The following SET variants were observed in gnomAD, a reference collection of about 807,000 sequenced individuals.
SET encodes SET nuclear proto-oncogene, also known as protein SET.
A neutral mutation model predicts 39.0 loss-of-function variants in SET; 4 were observed. The observed-to-expected ratio is 0.10, with a 90% confidence interval of 0.05 to 0.23. The LOEUF (loss-of-function observed/expected upper bound fraction) is 0.23. Among genes scored for constraint, SET ranks in the 10% least tolerant of loss-of-function variants. SET has a pLI of 1.00. For synonymous variants in SET, 114 were observed against 115.9 expected, an observed-to-expected ratio of 0.98 and a Z score of 0.11; for missense variants, 137 against 329.7, an observed-to-expected ratio of 0.42 and a Z score of 4.53.
In SET at chr9:128,689,322, G is replaced by A; in HGVS notation, c.-261G>A. On this transcript the variant is annotated 5_prime_UTR_variant, in exon 1 of 8. Coordinates refer to ENST00000322030, the MANE Select transcript of SET (RefSeq NM_003011.4). ...GAGTGAGGGAGCCGAGCCGCCCGCC[G>A]CCGCCGCCTCCGCCTCCCCTCCGCG... is the stretch of plus-strand genomic sequence containing the variant. 3.9e-6 allele frequency: 4 copies of A among 1,031,596 alleles called. No homozygotes were observed. Among genetic ancestry groups the A allele is most frequent in the Non-Finnish European group, 4.7e-6 (4 of 859,244 alleles). The allele number at this position is 1,031,596 out of a possible 1,614,324, so 63.9% of individuals were successfully genotyped here.
chr9:128,693,555 G>C (rs1266545577), intron 5 of SET, 83 bp from the exon 6 acceptor site: 3 of 1,396,602 alleles, frequency 2.1e-6, no homozygotes, highest in Non-Finnish European at 2.9e-6. Flanking sequence ...CTTAGCTTTT[G>C]GGGAAAATCT....
chr9:128,692,021 T>C (rs1399373155), intron 3 of SET, 21 bp downstream of exon 3: 4 of 1,612,024 alleles, frequency 2.5e-6, no homozygotes, highest in East Asian at 2.2e-5. Context: ...GACAGGGCAT[T>C]GTTAAAGGAT....
chr9:128,684,941 TAG>T (rs1861235582), upstream of SET: 17 of 1,130,226 alleles, frequency 1.5e-5, no homozygotes, highest in Non-Finnish European at 1.9e-5. Flanking sequence ...TGGAGCTGGA[TAG>T]AGAGTTGACT....
Position 128,689,535 on chromosome 9 carries a change from T to G in SET, c.-48T>G, listed in dbSNP as rs1400160989. 2.7e-5 allele frequency: 27 copies of G among 989,310 alleles called. No homozygotes were observed. Among genetic ancestry groups the G allele is most frequent in the Non-Finnish European group, 1.4e-6 (1 of 730,358 alleles). 61.3% of individuals were successfully genotyped at this position (989,310 alleles called of 1,614,324 possible). On this transcript the variant is annotated 5_prime_UTR_variant, in exon 1 of 8. Transcript: ENST00000322030. ...AGCCGCTTGCCCGCCCCCTTCGCCT[T>G]CCCTTCTCTCCCCCTCCCCGCTCCC...
Position 128,696,283 on chromosome 9 carries a change from C to T in SET, c.*1619C>T, listed in dbSNP as rs772023623. 49 of 196,406 alleles carry T rather than the reference C, an allele frequency of 2.5e-4. No homozygotes were observed. The highest frequency in any genetic ancestry group is 1.7e-3 in the Middle Eastern group (1 of 582). 12.2% of individuals were successfully genotyped at this position (196,406 alleles called of 1,614,324 possible). A position where few individuals can be genotyped will look rare whatever the true frequency, so the allele number is the denominator to read the frequency against. ...CCATCAATAGGCAAAAGTGTAACAA[C>T]CTATCTAGATGGATAGTATGTAATT... On this transcript the variant is annotated 3_prime_UTR_variant, in exon 8 of 8. Transcript: ENST00000322030.
chr9:128,692,397 CAAAAAAAAAAAAAA>C (rs58637669), intron 3 of SET: 40 of 76,260 alleles, frequency 5.2e-4, no homozygotes, highest in African/African-American at 2.3e-3. Flanking sequence ...GAGACTGTTT[CAAAAAAAAAAAAAA>C]AAAAAAAAAA....
chr9:128,695,663 CAG>C lies in SET; in HGVS notation c.*1000_*1001del, dbSNP rs1383948130. On this transcript the variant is annotated 3_prime_UTR_variant, in exon 8 of 8. Coordinates refer to ENST00000322030, the MANE Select transcript of SET (RefSeq NM_003011.4). ...TGATACGCACTTTGCAGGATGACCT[CAG>C]GGCTATGTGGATTGAGTAATGGGAT... 2 of 225,750 alleles carry C rather than the reference CAG, an allele frequency of 8.9e-6. No individual in the cohort carries two copies. The highest frequency in any genetic ancestry group is 4.4e-5 in the African/African-American group (2 of 45,052). 14.0% of individuals were successfully genotyped at this position (225,750 alleles called of 1,614,324 possible).
chr9:128,692,626 T>A (rs761763653), intron 3 of SET, 36 bp from the exon 4 acceptor site: 2 of 1,383,044 alleles, frequency 1.4e-6, no homozygotes, highest in East Asian at 4.6e-5. Context: ...TGTGTGCCTG[T>A]TGAAAATTCA....
At chr9:128,690,227 C>G (rs1589456054) in intron 1 of SET, 1 of 153,244 alleles carries the variant, frequency 6.5e-6, no homozygotes, top group South Asian at 2.1e-4. Context: ...CTCTGGCCAG[C>G]CCGGGCGCAC....
At chr9:128,689,090 G>A (rs2132242016), upstream of SET, 2 of 175,478 alleles carry the variant, frequency 1.1e-5, no homozygotes, top group African/African-American at 4.8e-5. Flanking sequence ...CCTCTCGCCG[G>A]GCCCTGTGTC....
rs1175905980 is a variant in SET, at chr9:128,696,110, G to T, written c.*1446G>T. 4 of 221,192 alleles carry T rather than the reference G, an allele frequency of 1.8e-5. No homozygotes were observed. Among genetic ancestry groups the T allele is most frequent in the African/African-American group, 8.9e-5 (4 of 44,854 alleles). 13.7% of individuals were successfully genotyped at this position (221,192 alleles called of 1,614,324 possible). A position where few individuals can be genotyped will look rare whatever the true frequency, so the allele number is the denominator to read the frequency against. On this transcript the variant is annotated 3_prime_UTR_variant, in exon 8 of 8. Coordinates refer to ENST00000322030, the MANE Select transcript of SET (RefSeq NM_003011.4). ...AGCTCTGTCTGCTCAATGCCATTGT[G>T]CAGAGAAGCACCCTAATGCATAAGC... is the stretch of plus-strand genomic sequence containing the variant.
intron 2 of SET, 55 bp from the exon 3 acceptor site, chr9:128,691,803 A>C (rs569157337): frequency 6.5e-7 from 1 of 1,534,108 alleles, no homozygotes; most frequent in African/African-American, 1.4e-5. Flanking sequence ...ATCTCAACCA[A>C]TTTTTTAATT....
chr9:128,683,544 G>C (rs891742340), upstream of SET: 2 of 261,232 alleles, frequency 7.7e-6, no homozygotes, highest in African/African-American at 4.4e-5. Context: ...CTGGGGGTTT[G>C]GGAACGAACT....
chr9:128,694,901 C>T lies in SET; in HGVS notation c.*237C>T, dbSNP rs1418179867. The T allele has an allele frequency of 1.5e-5, 6 of 387,412 alleles. No individual in the cohort carries two copies. Among genetic ancestry groups the T allele is most frequent in the Non-Finnish European group, 2.7e-5 (6 of 219,096 alleles). The allele number at this position is 387,412 out of a possible 1,614,324, so 24.0% of individuals were successfully genotyped here. ...TTCTGTTCGAAGTTCATTTTTATCC[C>T]TTCCTGTCTGAACAAAAACTGTATG... On this transcript the variant is annotated 3_prime_UTR_variant, in exon 8 of 8. Transcript: ENST00000322030.
intron 1 of SET, 25 bp from the exon 2 acceptor site, chr9:128,691,145 T>TA (rs748057178): frequency 6.4e-7 from 1 of 1,574,068 alleles, no homozygotes; most frequent in Admixed American, 1.7e-5. Context: ...ATCTTAGAAT[T>TA]AAGTTTTTTG....
chr9:128,696,140 T>C lies in SET; in HGVS notation c.*1476T>C, dbSNP rs1172705226. 4.6e-6 allele frequency: 1 copy of C among 217,516 alleles called. No homozygotes were observed. Among genetic ancestry groups the C allele is most frequent in the Non-Finnish European group, 9.4e-6 (1 of 106,874 alleles). The allele number at this position is 217,516 out of a possible 1,614,324, so 13.5% of individuals were successfully genotyped here. On this transcript the variant is annotated 3_prime_UTR_variant, in exon 8 of 8. Coordinates refer to ENST00000322030, the MANE Select transcript of SET (RefSeq NM_003011.4). ...GAAGCACCCTAATGCATAAGCTTTTTAATGCTGTAAAATATAGTCGCTGAA... is the reference window on the plus strand; with the variant it reads ...GAAGCACCCTAATGCATAAGCTTTTCAATGCTGTAAAATATAGTCGCTGAA...
chr9:128,692,108 G>T lies in SET; in HGVS notation c.274+108G>T, dbSNP rs1454345274. The T allele has an allele frequency of 3.0e-6, 4 of 1,343,682 alleles. No homozygotes were observed. The South Asian group carries it at 4.2e-5, about 14-fold the overall frequency. The allele number at this position is 1,343,682 out of a possible 1,614,324, so 83.2% of individuals were successfully genotyped here. A position where few individuals can be genotyped will look rare whatever the true frequency, so the allele number is the denominator to read the frequency against. On this transcript the variant is annotated intron_variant, in intron 3 of 7. Coordinates refer to ENST00000322030, the MANE Select transcript of SET (RefSeq NM_003011.4). Reference sequence around the variant, plus strand: ...GCTGGGTTGCGTGCAACAAAGACAGGCTGGGTGCGGTGGCGCACCTGTAAT... The same window carrying T: ...GCTGGGTTGCGTGCAACAAAGACAGTCTGGGTGCGGTGGCGCACCTGTAAT...
At chr9:128,694,329 GTCAAATTCTGACA>G (rs1482467031) in intron 7 of SET, among the ~76,000 whole-genome samples, 1 of 152,030 alleles carries the variant, frequency 6.6e-6, no homozygotes, top group Non-Finnish European at 1.5e-5. Flanking sequence ...AGTGTAGCTG[GTCAAATTCTGACA>G]TCTCTGAAAT....
chr9:128,687,952 C>G (rs1311385182), upstream of SET, among the ~76,000 whole-genome samples: 1 of 152,154 alleles, frequency 6.6e-6, no homozygotes, highest in Non-Finnish European at 1.5e-5. Flanking sequence ...CGCAGTGGCT[C>G]CCGCCTGTAA....
Sources: allele counts gnomAD v4.1 joint callset (sites outside exome capture counted in the v4.1 genomes callset), GRCh38; gene constraint gnomAD v4.1.1; transcripts MANE v1.5; gene names NCBI Gene and HGNC (gene_info 2026-07-23, HGNC 2026-07-21).